QSER1: variants seen among roughly 807,000 people sequenced by gnomAD.
QSER1 encodes glutamine and serine rich 1.
In QSER1, 49 loss-of-function variants were observed where a neutral mutation model predicts 158.5. The observed-to-expected ratio is 0.31, with a 90% CI of 0.25 to 0.39. The LOEUF is 0.39. Among genes scored for constraint, QSER1 ranks in the 10% least tolerant of loss-of-function variants. QSER1 has a pLI of 1.00. For synonymous variants in QSER1, 650 were observed against 715.5 expected (o/e 0.91, Z 1.46); for missense variants, 1,754 against 2,010.3 (o/e 0.87, Z 2.44).
rs377379459 is a variant in QSER1 at position 32,953,864 on chromosome 11, A to G, written c.4185A>G (p.Leu1395=). The change falls in exon 5 of 13, where the codon CTA becomes CTG. Residue 1395 remains leucine (L), a synonymous_variant. Coordinates refer to ENST00000650167, the MANE Select transcript of QSER1 (RefSeq NM_001076786.3). ...TSDKKKKTEA[L]QVATTSPTAN... is the part of the protein sequence containing the mutation. ...TGCTTGGTTTTGTTTCAGAAGCCCT[A>G]CAGGTGGCAACTACTAGCCCAACTG... 1.7e-5 allele frequency: 28 copies of G among 1,610,056 alleles called. No homozygotes were observed. In the African/African-American group the frequency reaches 2.7e-4, roughly 15 times the overall value.
At position 32,976,357 on chromosome 11, in the gene QSER1, TGAA is replaced by T; in HGVS notation, c.5481_5483del (p.Glu1827del). The stretch of plus-strand genomic sequence containing the variant: ...AGATTTCTTCGGTGCAGAAAAAAAA[TGAA>T]GATTTAGGACAGGAGGAAATTGTTC... On this transcript the variant is annotated inframe_deletion, in exon 13 of 13. Transcript: ENST00000650167. 1 of 1,587,922 alleles carries T rather than the reference TGAA, an allele frequency of 6.3e-7. No homozygotes were observed. Among genetic ancestry groups the T allele is most frequent in the Non-Finnish European group, 8.5e-7 (1 of 1,172,694 alleles).
chr11:32,957,223 C>T (rs1280323000), intron 7 of QSER1, among the ~76,000 whole-genome samples: 1 of 147,852 alleles, frequency 6.8e-6, no homozygotes, highest in African/African-American at 2.5e-5. Context: ...CTCACTGCAA[C>T]CTCCACCTCC....
At chr11:32,971,945 C>T (rs1411104903) in intron 10 of QSER1, among the ~76,000 whole-genome samples, 5 of 151,790 alleles carry the variant, frequency 3.3e-5, no homozygotes, top group Non-Finnish European at 7.4e-5. Context: ...CGCCTGTAGT[C>T]CCAGCTACTC....
chr11:32,894,097 T>C (rs1000216635), intron 1 of QSER1, among the ~76,000 whole-genome samples: 4 of 152,120 alleles, frequency 2.6e-5, no homozygotes, highest in Admixed American at 2.6e-4. Context: ...GTGGGGGTAG[T>C]GAAGGCCGTA....
At chr11:32,944,828 C>G (rs1351228720) in intron 4 of QSER1, among the ~76,000 whole-genome samples, 1 of 143,666 alleles carries the variant, frequency 7.0e-6, no homozygotes. Flanking sequence ...CTAATGTTGA[C>G]AGTGGGGTGT....
At chr11:32,928,991 A>T (rs1852010630) in intron 3 of QSER1, among the ~76,000 whole-genome samples, 1 of 152,200 alleles carries the variant, frequency 6.6e-6, no homozygotes, top group Admixed American at 6.5e-5. Flanking sequence ...TCATGCTGAA[A>T]CTTGAGAGTT....
intron 11 of QSER1, among the ~76,000 whole-genome samples, chr11:32,974,218 C>G (rs984162895): frequency 2.0e-5 from 3 of 151,974 alleles, no homozygotes; most frequent in African/African-American, 7.3e-5. Flanking sequence ...TCCAGGTGTT[C>G]GAGACCAGTC....
intron 1 of QSER1, among the ~76,000 whole-genome samples, chr11:32,912,654 A>C (rs1372611263): frequency 6.6e-6 from 1 of 152,112 alleles, no homozygotes; most frequent in African/African-American, 2.4e-5. Flanking sequence ...CACGCCTTTA[A>C]TCCCAGCACA....
rs189830154 is a variant in QSER1 at position 32,965,707 on chromosome 11, T to G, written c.4970-593T>G. On this transcript the variant is annotated intron_variant, in intron 8 of 12. Transcript: ENST00000650167. ...CACGCCTGTAATCCCAACACTTTGG[T>G]AGGCTGAGGCAGGCAGATCACCTGA... Among the ~76,000 whole-genome samples the G allele has an allele frequency of 3.4e-3, 517 of 152,042 alleles. 5 individuals carry two copies. Among genetic ancestry groups the G allele is most frequent in the African/African-American group, 0.012 (484 of 41,476 alleles).
chr11:32,967,542 A>T (rs967797601), intron 9 of QSER1, among the ~76,000 whole-genome samples: 1 of 152,222 alleles, frequency 6.6e-6, no homozygotes, highest in African/African-American at 2.4e-5. Flanking sequence ...TTATAGTCTT[A>T]TGGAACCACC....
At chr11:32,920,551 G>A (rs139974940) in intron 1 of QSER1, among the ~76,000 whole-genome samples, 1 of 152,282 alleles carries the variant, frequency 6.6e-6, no homozygotes, top group African/African-American at 2.4e-5. Context: ...TTTTTGTGCT[G>A]TACATGATAC....
At chr11:32,938,257 A>G (rs1852181543) in intron 4 of QSER1, among the ~76,000 whole-genome samples, 1 of 152,210 alleles carries the variant, frequency 6.6e-6, no homozygotes, top group Non-Finnish European at 1.5e-5. Context: ...AAAGAACGTC[A>G]TGCACAACCT....
At chr11:32,964,711 A>AC (rs1489912679) in intron 8 of QSER1, among the ~76,000 whole-genome samples, 2 of 109,220 alleles carry the variant, frequency 1.8e-5, no homozygotes, top group East Asian at 2.3e-4. Flanking sequence ...GAAAAAAAAA[A>AC]AACACCATAT....
At chr11:32,902,679 T>G (rs1342975140) in intron 1 of QSER1, among the ~76,000 whole-genome samples, 1 of 152,216 alleles carries the variant, frequency 6.6e-6, no homozygotes, top group East Asian at 1.9e-4. Context: ...TAGTGGAATC[T>G]CAGAGATTAA....
chr11:32,920,168 C>T (rs116305614), intron 1 of QSER1, among the ~76,000 whole-genome samples: 2,537 of 152,142 alleles, frequency 0.017, 49 homozygotes, highest in African/African-American at 0.054. Flanking sequence ...GGGCTCTGTC[C>T]GCCAGAGTAA....
intron 9 of QSER1, among the ~76,000 whole-genome samples, 186 bp downstream of exon 9, chr11:32,966,623 C>CT (rs2133602553): frequency 6.6e-6 from 1 of 152,232 alleles, no homozygotes; most frequent in Admixed American, 6.5e-5. Context: ...AATATTTGAA[C>CT]TTTTATTGCT....
At position 32,934,685 on chromosome 11, in the gene QSER1, A is replaced by G. The variant is rs372977010; in HGVS notation, c.3427A>G (p.Ile1143Val). The change falls in exon 4 of 13, where the codon ATA (isoleucine) becomes GTA (valine). Residue 1143 changes from isoleucine (I) to valine (V), a missense_variant. Ile to Val is a conservative substitution (Grantham distance 29). Coordinates refer to ENST00000650167, the MANE Select transcript of QSER1 (RefSeq NM_001076786.3). ...AGAGTTTGTTTCTAGTAGTAGAAGTATAAGTGGAGAGAATGCTACATCAGA... is the reference window on the plus strand; with the variant it reads ...AGAGTTTGTTTCTAGTAGTAGAAGTGTAAGTGGAGAGAATGCTACATCAGA... ...NQEFVSSSRS[I>V]SGENATSESE... The G allele has an allele frequency of 1.9e-5, 31 of 1,613,932 alleles. No individual in the cohort carries two copies. Among genetic ancestry groups the G allele is most frequent in the Middle Eastern group, 3.3e-4 (2 of 6,058 alleles).
At chr11:32,901,142 C>T (rs1215098959) in intron 1 of QSER1, among the ~76,000 whole-genome samples, 1 of 152,170 alleles carries the variant, frequency 6.6e-6, no homozygotes, top group Non-Finnish European at 1.5e-5. Flanking sequence ...AGACAAGTTT[C>T]TTAACCTCTC....
In QSER1 at chr11:32,958,097, C is replaced by T. The variant is rs181228249; in HGVS notation, c.4969+11C>T. 6.6e-5 allele frequency: 105 copies of T among 1,596,056 alleles called. No individual in the cohort carries two copies. The African/African-American group carries it at 9.2e-4, about 14-fold the overall frequency. On this transcript the variant is annotated intron_variant, in intron 8 of 12. Coordinates refer to ENST00000650167, the MANE Select transcript of QSER1 (RefSeq NM_001076786.3). ...GTAGTGACGATGAGGGTGAGTTTTC[C>T]GTGAAATGGCTACCCTGATAACTTT...
Sources: gnomAD v4.1 joint callset for allele counts (sites outside exome capture counted in the v4.1 genomes callset) on GRCh38, gnomAD v4.1.1 for gene constraint, MANE v1.5 for transcripts, NCBI Gene and HGNC (gene_info 2026-07-23, HGNC 2026-07-21) for gene names.